The following SLC25A26 variants were observed in gnomAD, a reference collection of about 807,000 sequenced individuals.
SLC25A26 encodes solute carrier family 25 member 26.
A neutral mutation model predicts 37.8 loss-of-function variants in SLC25A26; 36 were observed. The ratio of observed to expected loss-of-function variants is 0.95; its 90% CI spans 0.73 to 1.26. The LOEUF is 1.26. Among genes scored for constraint, SLC25A26 ranks in the 50% most tolerant of loss-of-function variants. The pLI is 0.00. For missense variants in SLC25A26, 390 were observed against 331.1 expected (o/e 1.18, Z -1.38); for synonymous variants, 129 against 122.5 (o/e 1.05, Z -0.35).
At chr3:66,273,524 C>T (rs1453975676) in intron 5 of SLC25A26, among the ~76,000 whole-genome samples, 1 of 152,128 alleles carries the variant, frequency 6.6e-6, no homozygotes, top group East Asian at 1.9e-4. Context: ...AGCCCAAAGT[C>T]TCCTTAAGCT....
At chr3:66,363,030 T>G (rs1442956768) in intron 7 of SLC25A26, 101 bp downstream of exon 7, 5 of 638,530 alleles carry the variant, frequency 7.8e-6, no homozygotes, top group African/African-American at 7.6e-5. Context: ...CCAGGTTGTT[T>G]AGATGAAGAG....
intron 6 of SLC25A26, among the ~76,000 whole-genome samples, chr3:66,350,583 G>T (rs958869255): frequency 1.3e-5 from 2 of 152,034 alleles, no homozygotes; most frequent in Admixed American, 6.5e-5. Flanking sequence ...GTAACACTTA[G>T]GTTCTCAGGA....
intron 1 of SLC25A26, among the ~76,000 whole-genome samples, chr3:66,233,160 T>C (rs1423553467): frequency 6.6e-6 from 1 of 152,264 alleles, no homozygotes; most frequent in East Asian, 1.9e-4. Context: ...GCTGTTTTTA[T>C]GGTGTGCCCT....
intron 5 of SLC25A26, among the ~76,000 whole-genome samples, chr3:66,300,239 T>C (rs2075032830): frequency 6.8e-6 from 1 of 148,136 alleles, no homozygotes; most frequent in Admixed American, 6.7e-5. Context: ...ACTTCTAGGC[T>C]AGGGTTTTTT....
intron 5 of SLC25A26, among the ~76,000 whole-genome samples, chr3:66,282,753 C>T (rs1359779652): frequency 6.6e-6 from 1 of 152,134 alleles, no homozygotes; most frequent in East Asian, 1.9e-4. Context: ...GCTGTGAATT[C>T]AGCGTACGTA....
chr3:66,357,102 T>C (rs2076594110), intron 6 of SLC25A26, among the ~76,000 whole-genome samples: 1 of 152,222 alleles, frequency 6.6e-6, no homozygotes, highest in African/African-American at 2.4e-5. Context: ...TTACTTAAAC[T>C]TGATATTTCT....
chr3:66,341,015 G>C (rs961542036), intron 5 of SLC25A26, among the ~76,000 whole-genome samples: 1 of 151,896 alleles, frequency 6.6e-6, no homozygotes. Context: ...ATTTGTAAAT[G>C]GGGACAGTTT....
chr3:66,371,117 A>T (rs1700323305), intron 9 of SLC25A26: 4 of 1,413,320 alleles, frequency 2.8e-6, no homozygotes, highest in Non-Finnish European at 2.8e-6. Context: ...TGCAAGATTA[A>T]AACATTGCTT....
At chr3:66,163,578 C>T (rs2070388253) in intron 1 of SLC25A26, among the ~76,000 whole-genome samples, 1 of 152,198 alleles carries the variant, frequency 6.6e-6, no homozygotes, top group Admixed American at 6.5e-5. Flanking sequence ...TCATTATGCT[C>T]TCATGACTTC....
intron 7 of SLC25A26, among the ~76,000 whole-genome samples, chr3:66,364,813 C>G (rs185242759): frequency 3.9e-5 from 6 of 152,116 alleles, no homozygotes; most frequent in African/African-American, 1.4e-4. Context: ...TCTAATAGCT[C>G]GTAAATTTTA....
At chr3:66,315,322 T>C (rs1427316892) in intron 5 of SLC25A26, among the ~76,000 whole-genome samples, 2 of 152,202 alleles carry the variant, frequency 1.3e-5, no homozygotes, top group African/African-American at 2.4e-5. Flanking sequence ...ATACGTTGTT[T>C]CTTTGTTCTT....
intron 5 of SLC25A26, among the ~76,000 whole-genome samples, chr3:66,331,208 C>T (rs1480265459): frequency 1.3e-5 from 2 of 151,976 alleles, no homozygotes; most frequent in African/African-American, 4.8e-5. Flanking sequence ...TCCTCCCTTC[C>T]TTTTCCCGTG....
At chr3:66,256,686 A>G (rs2073315990) in intron 3 of SLC25A26, among the ~76,000 whole-genome samples, 1 of 152,146 alleles carries the variant, frequency 6.6e-6, no homozygotes, top group Non-Finnish European at 1.5e-5. Flanking sequence ...ATTTGAGGCC[A>G]GGAGTTTGGG....
At chr3:66,289,487 G>A (rs1208980253) in intron 5 of SLC25A26, among the ~76,000 whole-genome samples, 1 of 152,120 alleles carries the variant, frequency 6.6e-6, no homozygotes, top group Non-Finnish European at 1.5e-5. Context: ...CCCATCTTGA[G>A]TTAATTTTTG....
chr3:66,312,652 C>T lies in SLC25A26; in HGVS notation c.454-33712C>T, dbSNP rs918409793. On this transcript the variant is annotated intron_variant, in intron 5 of 9. Coordinates refer to ENST00000354883, the MANE Select transcript of SLC25A26 (RefSeq NM_001379210.1). ...GCGTAGGCACTAGAGGGAATCTCCT[C>T]GTCTGTGGGTTGCGAAGACTGTGGG... 6.6e-5 allele frequency among the ~76,000 whole-genome samples: 10 copies of T among 152,124 alleles called. No individual in the cohort carries two copies. The South Asian group carries it at 8.3e-4, about 13-fold the overall frequency.
chr3:66,311,205 T>TC (rs1434424067), intron 5 of SLC25A26, among the ~76,000 whole-genome samples: 1 of 152,116 alleles, frequency 6.6e-6, no homozygotes, highest in Admixed American at 6.5e-5. Flanking sequence ...CATTATTTTT[T>TC]CTCATCTTGT....
At chr3:66,329,988 A>G (rs2075933124) in intron 5 of SLC25A26, among the ~76,000 whole-genome samples, 1 of 152,032 alleles carries the variant, frequency 6.6e-6, no homozygotes, top group South Asian at 2.1e-4. Flanking sequence ...ATCACAGAGA[A>G]CCTCCTATGT....
chr3:66,300,818 G>A (rs141723665), intron 5 of SLC25A26, among the ~76,000 whole-genome samples: 29 of 152,238 alleles, frequency 1.9e-4, no homozygotes, highest in Admixed American at 8.5e-4. Context: ...TTGCTAACAC[G>A]TGTATTATAT....
intron 1 of SLC25A26, among the ~76,000 whole-genome samples, chr3:66,162,760 C>G (rs1322807865): frequency 2.0e-5 from 3 of 152,226 alleles, no homozygotes; most frequent in Non-Finnish European, 4.4e-5. Flanking sequence ...GCTGTCATCA[C>G]TCATACAGGG....
Sources: allele counts gnomAD v4.1 joint callset (sites outside exome capture counted in the v4.1 genomes callset), GRCh38; gene constraint gnomAD v4.1.1; transcripts MANE v1.5; gene names NCBI Gene and HGNC (gene_info 2026-07-23, HGNC 2026-07-21).